Variants in DNAAF5 observed in about 807,000 individuals in gnomAD.
DNAAF5 encodes the protein dynein axonemal assembly factor 5, also known as HEAT repeat containing 2.
In DNAAF5, 64 loss-of-function variants were observed where a neutral mutation model predicts 75.8. The observed-to-expected ratio is 0.84, with a 90% CI of 0.69 to 1.04. DNAAF5 has a LOEUF of 1.04. Among genes scored for constraint, DNAAF5 ranks in the 50% least tolerant of loss-of-function variants. DNAAF5 has a pLI of 0.00. For missense variants in DNAAF5, 1,269 were observed against 1,178.5 expected, an observed-to-expected ratio of 1.08 and a Z score of -1.12; for synonymous variants, 657 against 557.2, an observed-to-expected ratio of 1.18 and a Z score of -2.52.
rs549105050 is a variant in DNAAF5, at chr7:754,978, A to C, written c.1257+157A>C. Among the ~76,000 whole-genome samples, 1 of 152,220 alleles carries C rather than the reference A, an allele frequency of 6.6e-6. No individual in the cohort carries two copies. Among genetic ancestry groups the C allele is most frequent in the Admixed American group, 6.5e-5 (1 of 15,286 alleles). On this transcript the variant is annotated intron_variant, in intron 5 of 12. Coordinates refer to ENST00000297440, the MANE Select transcript of DNAAF5 (RefSeq NM_017802.4). The surrounding 1 kb of genome is among the most constrained non-coding windows in gnomAD (Gnocchi z 4.8). Reference sequence around the variant, plus strand: ...TCCCCACACCCAGCCCCTGGGAACAACTGATCTCCTTTCTGTGCCCGTAGG... The same window carrying C: ...TCCCCACACCCAGCCCCTGGGAACACCTGATCTCCTTTCTGTGCCCGTAGG...
At chr7:760,962 T>C (rs1392741027) in intron 6 of DNAAF5, among the ~76,000 whole-genome samples, 1 of 152,246 alleles carries the variant, frequency 6.6e-6, no homozygotes, top group Non-Finnish European at 1.5e-5. Context: ...GCTTCAGCGC[T>C]GACCAGCCCT....
intron 8 of DNAAF5, chr7:769,116 G>T (rs755959189): frequency 7.4e-5 from 56 of 759,376 alleles, no homozygotes; most frequent in Non-Finnish European, 1.2e-4. Context: ...CAGGTGCGGG[G>T]GTCTCAGTCC....
chr7:755,593 G>A (rs971252747), intron 5 of DNAAF5, among the ~76,000 whole-genome samples: 3 of 152,160 alleles, frequency 2.0e-5, no homozygotes, highest in Non-Finnish European at 2.9e-5. Context: ...CTAGCCCAGC[G>A]TAGTGGCGTG....
At chr7:745,077 C>T (rs1016950974) in intron 4 of DNAAF5, among the ~76,000 whole-genome samples, 2 of 152,188 alleles carry the variant, frequency 1.3e-5, no homozygotes, top group Non-Finnish European at 2.9e-5. Flanking sequence ...GTTGGTCGGA[C>T]CTTTAAGCTA....
At chr7:733,585 C>T (rs905478213) in intron 2 of DNAAF5, among the ~76,000 whole-genome samples, 12 of 152,184 alleles carry the variant, frequency 7.9e-5, no homozygotes, top group African/African-American at 2.7e-4. Flanking sequence ...CAAGCTCCGC[C>T]TCCCAGGTTC....
chr7:762,774 C>G (rs1245617903), intron 7 of DNAAF5, among the ~76,000 whole-genome samples: 1 of 151,888 alleles, frequency 6.6e-6, no homozygotes, highest in East Asian at 2.0e-4. Flanking sequence ...CCACCATACC[C>G]GGCTAATTTT....
intron 2 of DNAAF5, among the ~76,000 whole-genome samples, chr7:736,019 C>T (rs191068967): frequency 4.0e-3 from 603 of 152,222 alleles, no homozygotes; most frequent in Non-Finnish European, 6.6e-3. Context: ...ATTGACCCAC[C>T]GGTCATTCAG....
chr7:785,449 T>C, intron 12 of DNAAF5, 68 bp from the exon 13 acceptor site: 2 of 1,568,400 alleles, frequency 1.3e-6, no homozygotes, highest in Non-Finnish European at 1.7e-6. Flanking sequence ...CAAAGCCAAT[T>C]TGCACGAGAG....
intron 12 of DNAAF5, among the ~76,000 whole-genome samples, chr7:782,136 G>T (rs200761576): frequency 4.6e-5 from 7 of 152,200 alleles, no homozygotes; most frequent in African/African-American, 1.4e-4. Flanking sequence ...CTCCCGTCGC[G>T]CAGCGTCAGA....
At chr7:749,507 G>T (rs935216600) in intron 4 of DNAAF5, among the ~76,000 whole-genome samples, 1 of 152,164 alleles carries the variant, frequency 6.6e-6, no homozygotes, top group African/African-American at 2.4e-5. Flanking sequence ...CTGCCTTGGA[G>T]CTCGCACCCA....
intron 8 of DNAAF5, among the ~76,000 whole-genome samples, chr7:765,127 C>T (rs973097236): frequency 6.6e-6 from 1 of 152,094 alleles, no homozygotes. Context: ...TCTCTAAAAC[C>T]AAACAAAAAA....
At chr7:758,083 G>A (rs779245825) in intron 6 of DNAAF5, among the ~76,000 whole-genome samples, 13 of 152,258 alleles carry the variant, frequency 8.5e-5, no homozygotes, top group Admixed American at 5.2e-4. Flanking sequence ...GGCCCGGGCC[G>A]CGTGCTCATG....
At chr7:770,649 C>T (rs1235638234) in intron 9 of DNAAF5, 31 bp downstream of exon 9, 1 of 1,602,844 alleles carries the variant, frequency 6.2e-7, no homozygotes, top group Non-Finnish European at 8.5e-7. Context: ...TGCACGGCCC[C>T]CAGCTGGGGC....
chr7:747,035 G>A (rs1782138652), intron 4 of DNAAF5, among the ~76,000 whole-genome samples: 1 of 152,260 alleles, frequency 6.6e-6, no homozygotes, highest in South Asian at 2.1e-4. Flanking sequence ...GTCACCAGCA[G>A]GGGCATATTC....
rs191461464 is a variant in DNAAF5, at chr7:738,841, G to A, written c.781-1978G>A. 3.1e-3 allele frequency among the ~76,000 whole-genome samples: 475 copies of A among 152,356 alleles called. 1 individual carries two copies. The highest frequency in any genetic ancestry group is 0.011 in the African/African-American group (455 of 41,576). The stretch of plus-strand genomic sequence containing the variant: ...TCCTTTCTGCAAAAGAAGCCTATCT[G>A]TGGGTTCCGACAGACAGGTGGCCGT... On this transcript the variant is annotated intron_variant, in intron 2 of 12. Transcript: ENST00000297440.
At chr7:782,053 C>T (rs1032935273) in intron 12 of DNAAF5, among the ~76,000 whole-genome samples, 7 of 152,282 alleles carry the variant, frequency 4.6e-5, no homozygotes, top group African/African-American at 1.2e-4. Context: ...AGACCTTCCC[C>T]GCGCAGCTGC....
At chr7:752,802 T>C (rs1203755363) in intron 4 of DNAAF5, among the ~76,000 whole-genome samples, 1 of 152,200 alleles carries the variant, frequency 6.6e-6, no homozygotes, top group Non-Finnish European at 1.5e-5. Context: ...AAGACTGAGA[T>C]GTTTGGAGAT....
intron 10 of DNAAF5, among the ~76,000 whole-genome samples, chr7:774,698 C>G (rs1487216054): frequency 2.0e-5 from 3 of 152,174 alleles, no homozygotes; most frequent in Non-Finnish European, 4.4e-5. Flanking sequence ...TCCTGGTGCA[C>G]GCGGGGTGGT....
chr7:774,418 G>A (rs1423231623), intron 10 of DNAAF5, among the ~76,000 whole-genome samples: 1 of 152,210 alleles, frequency 6.6e-6, no homozygotes, highest in Non-Finnish European at 1.5e-5. Context: ...GAGCCAGGCC[G>A]CGGGCCCAGC....
Sources: gnomAD v4.1 joint callset for allele counts (sites outside exome capture counted in the v4.1 genomes callset) on GRCh38, gnomAD v4.1.1 for gene constraint, Gnocchi (gnomAD v3.1) non-coding constraint, MANE v1.5 for transcripts, NCBI Gene and HGNC (gene_info 2026-07-23, HGNC 2026-07-21) for gene names.